Variants in NEK10 observed in about 807,000 individuals in gnomAD.
NEK10 encodes serine/threonine-protein kinase Nek10.
A neutral mutation model predicts 159.8 loss-of-function variants in NEK10; 122 were observed. The observed-to-expected ratio is 0.76, with a 90% CI of 0.66 to 0.89. The LOEUF (loss-of-function observed/expected upper bound fraction) is 0.89, where lower values mean the gene tolerates loss of function less well. Ranked by LOEUF, NEK10 falls within the 40% of genes least tolerant of loss-of-function variation. The pLI is 0.00. For missense variants in NEK10, 1,342 were observed against 1,323.1 expected (o/e 1.01, Z -0.22); for synonymous variants, 466 against 457.1 (o/e 1.02, Z -0.25).
intron 29 of NEK10, among the ~76,000 whole-genome samples, chr3:27,165,684 T>C (rs1262491979): frequency 6.6e-6 from 1 of 152,172 alleles, no homozygotes; most frequent in Non-Finnish European, 1.5e-5. Flanking sequence ...TGTGACCTCA[T>C]CTGGAATTAA....
At chr3:27,293,893 C>A (rs2043168671) in intron 15 of NEK10, among the ~76,000 whole-genome samples, 1 of 152,188 alleles carries the variant, frequency 6.6e-6, no homozygotes, top group African/African-American at 2.4e-5. Context: ...TGGTACTCGT[C>A]ATTAATTTCT....
chr3:27,190,208 C>T (rs1559578516), intron 26 of NEK10, among the ~76,000 whole-genome samples: 2 of 152,134 alleles, frequency 1.3e-5, no homozygotes, highest in Non-Finnish European at 2.9e-5. Context: ...ACCTCTGGAA[C>T]ATTAAAATCC....
chr3:27,167,543 A>G (rs1386837013), intron 29 of NEK10, among the ~76,000 whole-genome samples: 2 of 152,232 alleles, frequency 1.3e-5, no homozygotes, highest in African/African-American at 4.8e-5. Context: ...TATTTTATTT[A>G]TAAGTTGAAA....
chr3:27,140,953 C>G (rs1401939683), intron 31 of NEK10, among the ~76,000 whole-genome samples: 1 of 152,116 alleles, frequency 6.6e-6, no homozygotes, highest in African/African-American at 2.4e-5. Flanking sequence ...CAAGTTATTT[C>G]TAGACATATT....
At chr3:27,196,816 C>T (rs1337028341) in intron 25 of NEK10, among the ~76,000 whole-genome samples, 2 of 152,140 alleles carry the variant, frequency 1.3e-5, no homozygotes, top group Non-Finnish European at 2.9e-5. Context: ...ACACCTCTGA[C>T]GACTCTGTCA....
chr3:27,154,285 C>T (rs1374918335), intron 30 of NEK10, among the ~76,000 whole-genome samples: 1 of 152,110 alleles, frequency 6.6e-6, no homozygotes, highest in African/African-American at 2.4e-5. Context: ...CTATAACAAG[C>T]AGTGAGACTG....
intron 22 of NEK10, among the ~76,000 whole-genome samples, chr3:27,257,708 T>C (rs1231662129): frequency 1.3e-5 from 2 of 152,086 alleles, no homozygotes; most frequent in Admixed American, 6.6e-5. Flanking sequence ...AGCCTCAATC[T>C]GAATACTGAC....
chr3:27,251,616 G>GC (rs1164319188), intron 23 of NEK10, among the ~76,000 whole-genome samples: 2 of 152,186 alleles, frequency 1.3e-5, no homozygotes, highest in Admixed American at 1.3e-4. Flanking sequence ...TTCCTGTGCA[G>GC]CCTGCAGAAC....
At chr3:27,207,110 C>T (rs1186723847) in intron 23 of NEK10, among the ~76,000 whole-genome samples, 2 of 152,206 alleles carry the variant, frequency 1.3e-5, no homozygotes, top group African/African-American at 4.8e-5. Flanking sequence ...TTTCTGATGT[C>T]AAGAGCTAAT....
At chr3:27,266,816 T>C (rs796846705) in intron 22 of NEK10, among the ~76,000 whole-genome samples, 6 of 152,326 alleles carry the variant, frequency 3.9e-5, no homozygotes, top group African/African-American at 1.4e-4. Context: ...GGTTCTGACA[T>C]GCTTCCTCTC....
chr3:27,277,115 A>G (rs1448140512), intron 22 of NEK10, among the ~76,000 whole-genome samples: 1 of 152,108 alleles, frequency 6.6e-6, no homozygotes, highest in Non-Finnish European at 1.5e-5. Flanking sequence ...CCAAGCAGCC[A>G]CCTTGCCTCC....
At chr3:27,262,243 T>C (rs570612319) in intron 22 of NEK10, among the ~76,000 whole-genome samples, 19 of 152,324 alleles carry the variant, frequency 1.2e-4, no homozygotes, top group Non-Finnish European at 2.4e-4. Flanking sequence ...AACCTGACCT[T>C]TCTCTCTGGC....
intron 6 of NEK10, among the ~76,000 whole-genome samples, 157 bp from the exon 7 acceptor site, chr3:27,314,495 A>G (rs956680332): frequency 2.0e-5 from 3 of 152,174 alleles, no homozygotes; most frequent in African/African-American, 7.2e-5. Context: ...TATGTCATTC[A>G]TACTACCTTT....
chr3:27,162,334 A>G (rs1180552311), intron 30 of NEK10: 3 of 1,450,786 alleles, frequency 2.1e-6, no homozygotes, highest in Non-Finnish European at 2.7e-6. Context: ...GTGAACAAAC[A>G]AGGCAGAATT....
intron 5 of NEK10, among the ~76,000 whole-genome samples, chr3:27,331,370 G>A (rs186399740): frequency 6.6e-5 from 10 of 152,122 alleles, no homozygotes; most frequent in Admixed American, 3.3e-4. Flanking sequence ...TATCTGACAG[G>A]CTTTACCAAG....
At chr3:27,286,463 C>T (rs1040893115) in intron 20 of NEK10, among the ~76,000 whole-genome samples, 1 of 149,284 alleles carries the variant, frequency 6.7e-6, no homozygotes, top group Non-Finnish European at 1.5e-5. Flanking sequence ...CTCAGTGCAA[C>T]CTCTGCCTCC....
At chr3:27,311,072 T>C (rs1575691513) in intron 8 of NEK10, 56 bp from the exon 9 acceptor site, 1 of 1,099,604 alleles carries the variant, frequency 9.1e-7, no homozygotes, top group East Asian at 2.4e-5. Flanking sequence ...GGGGAGTACT[T>C]CCAGGAGCAC....
At position 27,201,568 on chromosome 3, in the gene NEK10, C is replaced by A. The variant is rs1950049176; in HGVS notation, c.2233G>T (p.Val745Leu). ...LSLATKIVEAVYEPVPEGIYS... is the reference protein window; with the variant it reads ...LSLATKIVEALYEPVPEGIYS... ...ATACCTTCTGGGACTGGTTCATATACCGCCTCCACTATCTGCAAAACAAAC... is the reference window on the plus strand; with the variant it reads ...ATACCTTCTGGGACTGGTTCATATAACGCCTCCACTATCTGCAAAACAAAC... The change falls in exon 25 of 36, where the codon GTA (valine) becomes TTA (leucine). Residue 745 changes from valine (V) to leucine (L), a missense_variant. By Grantham distance (32) the Val-to-Leu change is conservative (BLOSUM62 1). Coordinates refer to ENST00000691995, the MANE Select transcript of NEK10 (RefSeq NM_001394966.1). The A allele has an allele frequency of 6.2e-7, 1 of 1,613,636 alleles. No homozygotes were observed. The highest frequency in any genetic ancestry group is 8.5e-7 in the Non-Finnish European group (1 of 1,179,668).
chr3:27,166,795 A>G (rs1202488807), intron 29 of NEK10, among the ~76,000 whole-genome samples: 2 of 152,086 alleles, frequency 1.3e-5, no homozygotes, highest in Admixed American at 6.6e-5. Flanking sequence ...CCCCATCTCT[A>G]CTAAAAATAC....
Sources: gnomAD v4.1 joint callset for allele counts (sites outside exome capture counted in the v4.1 genomes callset) on GRCh38, gnomAD v4.1.1 for gene constraint, MANE v1.5 for transcripts, NCBI Gene and HGNC (gene_info 2026-07-23, HGNC 2026-07-21) for gene names.